Variants in SNTG2 observed in about 807,000 individuals in gnomAD.
The protein encoded by SNTG2 is syntrophin gamma 2.
A neutral mutation model predicts 70.9 loss-of-function variants in SNTG2; 74 were observed. The ratio of observed to expected loss-of-function variants is 1.04; its 90% confidence interval spans 0.86 to 1.27. The LOEUF (loss-of-function observed/expected upper bound fraction) is 1.27, where lower values mean the gene tolerates loss of function less well. Ranked by LOEUF, SNTG2 falls within the 50% of genes most tolerant of loss-of-function variation. The pLI is 0.00. For missense variants in SNTG2, 717 were observed against 690.7 expected (o/e 1.04, Z -0.43); for synonymous variants, 278 against 273.8 (o/e 1.02, Z -0.15).
At chr2:1,219,451 C>G (rs1043390212) in intron 9 of SNTG2, among the ~76,000 whole-genome samples, 3 of 152,114 alleles carry the variant, frequency 2.0e-5, no homozygotes, top group Non-Finnish European at 4.4e-5. Flanking sequence ...GTGATTATCC[C>G]CAAAGATGAG....
chr2:1,265,412 A>C (rs1048451293), intron 13 of SNTG2, among the ~76,000 whole-genome samples: 4 of 152,014 alleles, frequency 2.6e-5, no homozygotes, highest in Non-Finnish European at 5.9e-5. Context: ...ACACATTCTC[A>C]TGTGCACACA....
intron 6 of SNTG2, among the ~76,000 whole-genome samples, chr2:1,139,503 TG>T (rs1354591798): frequency 6.6e-6 from 1 of 152,126 alleles, no homozygotes; most frequent in Non-Finnish European, 1.5e-5. Context: ...CTCAAAGTGC[TG>T]GGATTACAGG....
chr2:1,340,560 A>C (rs1352239545), intron 16 of SNTG2, among the ~76,000 whole-genome samples: 1 of 152,258 alleles, frequency 6.6e-6, no homozygotes, highest in African/African-American at 2.4e-5. Context: ...CTATTCTTTC[A>C]ATTGAAAAAG....
intron 6 of SNTG2, among the ~76,000 whole-genome samples, chr2:1,141,589 C>T (rs1174062533): frequency 6.6e-6 from 1 of 152,140 alleles, no homozygotes; most frequent in Non-Finnish European, 1.5e-5. Flanking sequence ...AAGAGGCAAT[C>T]GAAAGAAATG....
chr2:1,072,287 A>G (rs1663612872), intron 1 of SNTG2, among the ~76,000 whole-genome samples: 1 of 147,472 alleles, frequency 6.8e-6, no homozygotes, highest in Non-Finnish European at 1.5e-5. Context: ...GGGCTAATGG[A>G]GTTTGTGACT....
intron 1 of SNTG2, among the ~76,000 whole-genome samples, chr2:1,008,851 A>G (rs1265193119): frequency 6.6e-6 from 1 of 152,210 alleles, no homozygotes; most frequent in African/African-American, 2.4e-5. Flanking sequence ...TTTTGTGCTC[A>G]GTGTTCATTT....
Position 1,308,571 on chromosome 2 carries a change from T to C in SNTG2, c.1362T>C (p.Phe454=). The C allele has an allele frequency of 6.4e-7, 1 of 1,551,656 alleles. No homozygotes were observed. Among genetic ancestry groups the C allele is most frequent in the Non-Finnish European group, 8.7e-7 (1 of 1,146,960 alleles). ...TVDFALGFTC[F]ESKTKNVLWR... is the part of the protein sequence containing the mutation. ...ATTTCGCGTTGGGATTTACCTGTTT[T>C]GAGAGTAAGACCAAGGTAAGAGGCC... Residue 454 remains phenylalanine, a synonymous_variant, in exon 15 of 17, where the codon TTT becomes TTC. Coordinates refer to ENST00000308624, the MANE Select transcript of SNTG2 (RefSeq NM_018968.4).
chr2:1,173,000 C>A, intron 7 of SNTG2, 92 bp from the exon 8 acceptor site: 1 of 1,174,180 alleles, frequency 8.5e-7, no homozygotes, highest in African/African-American at 1.5e-5. Context: ...CTGGTAACTT[C>A]CCATGCACAG....
At chr2:1,208,252 A>AGTGTGAGGCACATCT (rs1673782446) in intron 8 of SNTG2, among the ~76,000 whole-genome samples, 1 of 74,020 alleles carries the variant, frequency 1.4e-5, no homozygotes, top group African/African-American at 4.8e-5. Flanking sequence ...CACACCTGTG[A>AGTGTGAGGCACATCT]GTGTGAGGCA....
intron 1 of SNTG2, among the ~76,000 whole-genome samples, chr2:1,067,375 T>C (rs565847182): frequency 1.2e-3 from 179 of 152,328 alleles, no homozygotes; most frequent in Non-Finnish European, 2.1e-3. Context: ...CAAAAACATA[T>C]ATTTACACTT....
intron 1 of SNTG2, among the ~76,000 whole-genome samples, chr2:1,003,713 G>C (rs1163928214): frequency 6.6e-6 from 1 of 152,182 alleles, no homozygotes; most frequent in East Asian, 1.9e-4. Flanking sequence ...GGAAGGAGCT[G>C]CTGTGACGAT....
At chr2:1,318,821 G>A (rs997736141) in intron 16 of SNTG2, among the ~76,000 whole-genome samples, 1 of 152,288 alleles carries the variant, frequency 6.6e-6, no homozygotes, top group African/African-American at 2.4e-5. Flanking sequence ...ATCTTGTGGA[G>A]CTCTGAGTCT....
rs924862986 is a variant in SNTG2, at chr2:1,221,524, T to C, written c.719+12294T>C. Among the ~76,000 whole-genome samples the C allele has an allele frequency of 3.7e-3, 22 of 6,026 alleles. 1 individual carries two copies. Among genetic ancestry groups the C allele is most frequent in the Non-Finnish European group, 6.6e-3 (18 of 2,730 alleles). The allele number at this position is 6,026 out of a possible 152,430, so 4.0% of individuals were successfully genotyped here. A position where few individuals can be genotyped will look rare whatever the true frequency, so the allele number is the denominator to read the frequency against. On this transcript the variant is annotated intron_variant, in intron 9 of 16. Transcript: ENST00000308624. The stretch of plus-strand genomic sequence containing the variant: ...GTCTCTCTCTCTCTCTCTGTCTCTC[T>C]CTATCTCTGTCTCTATCTCTGTCTC...
chr2:1,264,087 TAAGAC>T lies in SNTG2; in HGVS notation c.1078-3275_1078-3271del, dbSNP rs1678596447. 2.0e-5 allele frequency among the ~76,000 whole-genome samples: 3 copies of T among 152,336 alleles called. No individual in the cohort carries two copies. In the East Asian group the frequency reaches 5.8e-4, roughly 29 times the overall value. ...CAATTTAACAATTGTAAAAACCTCTTAAGACAAACTGTGTAGCTTAAAAATATCAA... is the reference window on the plus strand; with the variant it reads ...CAATTTAACAATTGTAAAAACCTCTTAAACTGTGTAGCTTAAAAATATCAA... On this transcript the variant is annotated intron_variant, in intron 13 of 16. Transcript: ENST00000308624.
chr2:1,208,648 A>C (rs754162504), intron 8 of SNTG2, among the ~76,000 whole-genome samples: 13 of 152,192 alleles, frequency 8.5e-5, no homozygotes, highest in Non-Finnish European at 1.9e-4. Flanking sequence ...ACCACAGCAC[A>C]GAGTCGTTGC....
intron 8 of SNTG2, among the ~76,000 whole-genome samples, chr2:1,188,223 A>T (rs1033952274): frequency 6.6e-6 from 1 of 152,328 alleles, no homozygotes; most frequent in East Asian, 1.9e-4. Flanking sequence ...TATAATAGGT[A>T]TGCCTAGTAA....
Position 1,008,638 on chromosome 2 carries a change from G to A in SNTG2, c.72+57570G>A, listed in dbSNP as rs140779862. ...TAACATTACAGAAACCTGTAATGTC[G>A]TAGAACTAATGATAGGTGACATAAA... On this transcript the variant is annotated intron_variant, in intron 1 of 16. Transcript: ENST00000308624. Among the ~76,000 whole-genome samples the A allele has an allele frequency of 8.0e-3, 1,210 of 152,084 alleles. 16 individuals carry two copies. Among genetic ancestry groups the A allele is most frequent in the African/African-American group, 0.026 (1,067 of 41,488 alleles).
intron 1 of SNTG2, among the ~76,000 whole-genome samples, chr2:1,072,712 A>T (rs563598920): frequency 6.6e-6 from 1 of 152,186 alleles, no homozygotes; most frequent in African/African-American, 2.4e-5. Context: ...TACATCTCAT[A>T]AAGTTATAGC....
intron 1 of SNTG2, among the ~76,000 whole-genome samples, chr2:979,697 C>A (rs1174248719): frequency 1.3e-5 from 2 of 152,122 alleles, no homozygotes; most frequent in African/African-American, 4.8e-5. Context: ...TTTCTCAAGA[C>A]CGGGAACAAA....
Sources: allele counts gnomAD v4.1 joint callset (sites outside exome capture counted in the v4.1 genomes callset), GRCh38; gene constraint gnomAD v4.1.1; transcripts MANE v1.5; gene names NCBI Gene and HGNC (gene_info 2026-07-23, HGNC 2026-07-21).